Variants in WDR70 observed in about 807,000 individuals in gnomAD.
The protein encoded by WDR70 is WD repeat domain 70.
In WDR70, 53 loss-of-function variants were observed where a neutral mutation model predicts 88.6. The observed-to-expected ratio is 0.60, with a 90% CI of 0.48 to 0.75. The LOEUF (loss-of-function observed/expected upper bound fraction) is 0.75. Ranked by LOEUF, WDR70 falls within the 30% of genes least tolerant of loss-of-function variation. WDR70 has a pLI of 0.00. For missense variants in WDR70, 610 were observed against 823.2 expected (o/e 0.74, Z 3.17); for synonymous variants, 280 against 270.0 (o/e 1.04, Z -0.36).
chr5:37,522,494 A>T (rs903409248), intron 9 of WDR70, among the ~76,000 whole-genome samples: 4 of 150,038 alleles, frequency 2.7e-5, no homozygotes, highest in Non-Finnish European at 3.0e-5. Context: ...AAAAAAAAAA[A>T]GGTGGCAGTT....
intron 9 of WDR70, among the ~76,000 whole-genome samples, chr5:37,523,256 C>T (rs1464068783): frequency 6.6e-6 from 1 of 152,248 alleles, no homozygotes. Flanking sequence ...ACAACCCACA[C>T]AGCTGGGTAC....
intron 9 of WDR70, among the ~76,000 whole-genome samples, chr5:37,529,029 CT>C (rs1250600083): frequency 1.3e-5 from 2 of 149,800 alleles, no homozygotes; most frequent in East Asian, 4.0e-4. Context: ...CAGTTTCATT[CT>C]TCTATATGTG....
intron 9 of WDR70, among the ~76,000 whole-genome samples, chr5:37,579,861 C>G (rs1743169941): frequency 1.3e-5 from 2 of 152,066 alleles, no homozygotes; most frequent in African/African-American, 4.8e-5. Flanking sequence ...ACCTTCTCTT[C>G]AATTTCTTCT....
intron 10 of WDR70, among the ~76,000 whole-genome samples, chr5:37,658,351 T>C (rs1432131301): frequency 2.0e-5 from 3 of 152,182 alleles, no homozygotes; most frequent in African/African-American, 4.8e-5. Flanking sequence ...ATTCCTTTAT[T>C]GACAACCCTC....
chr5:37,461,119 A>T (rs72738725), intron 7 of WDR70, among the ~76,000 whole-genome samples: 33,191 of 146,152 alleles, frequency 0.23, 3,997 homozygotes, highest in South Asian at 0.34. Context: ...AAAAAAAAAA[A>T]AAAAAATAAA....
intron 17 of WDR70, among the ~76,000 whole-genome samples, chr5:37,743,887 C>T (rs1016993322): frequency 2.0e-5 from 3 of 152,268 alleles, no homozygotes; most frequent in Admixed American, 1.3e-4. Flanking sequence ...GGGTTTCCCC[C>T]CAGCAAAACA....
chr5:37,523,645 G>A (rs191546754), intron 9 of WDR70, among the ~76,000 whole-genome samples: 43 of 152,350 alleles, frequency 2.8e-4, no homozygotes, highest in African/African-American at 9.1e-4. Flanking sequence ...ACTTAGACGA[G>A]TTGAGATAAG....
chr5:37,524,296 A>G (rs1029239883), intron 9 of WDR70, among the ~76,000 whole-genome samples: 1 of 152,254 alleles, frequency 6.6e-6, no homozygotes, highest in Non-Finnish European at 1.5e-5. Flanking sequence ...CAGAAGCTCT[A>G]CAAGCCAGAA....
intron 17 of WDR70, among the ~76,000 whole-genome samples, chr5:37,747,956 G>A (rs1486796072): frequency 4.6e-5 from 7 of 152,002 alleles, no homozygotes; most frequent in Admixed American, 4.6e-4. Context: ...TCTTCAAGGA[G>A]AACTACAAAC....
In WDR70 at chr5:37,396,275, G is replaced by T. The variant is rs996969341; in HGVS notation, c.297-100G>T. On this transcript the variant is annotated intron_variant, in intron 4 of 17. Transcript: ENST00000265107. ...TAAAAAAATTAAAAAATACCCAGTT[G>T]TTAATAGGAGAGGAAAAGTATCCTG... is the stretch of plus-strand genomic sequence containing the variant. 2.1e-6 allele frequency: 3 copies of T among 1,399,176 alleles called. No individual in the cohort carries two copies. In the South Asian group the frequency reaches 6.0e-5, roughly 28 times the overall value. The allele number at this position is 1,399,176 out of a possible 1,614,324, so 86.7% of individuals were successfully genotyped here.
chr5:37,466,550 C>T (rs1368446502), intron 7 of WDR70, among the ~76,000 whole-genome samples: 1 of 151,318 alleles, frequency 6.6e-6, no homozygotes, highest in Non-Finnish European at 1.5e-5. Context: ...ATTAAAAATA[C>T]AAAAAATTAG....
chr5:37,489,778 G>T (rs1740008325), intron 8 of WDR70, among the ~76,000 whole-genome samples: 1 of 151,598 alleles, frequency 6.6e-6, no homozygotes, highest in Admixed American at 6.6e-5. Flanking sequence ...CACTCAGGGG[G>T]TGACAGTGTC....
Position 37,396,356 on chromosome 5 carries a change from T to G in WDR70, c.297-19T>G. On this transcript the variant is annotated intron_variant, in intron 4 of 17. Transcript: ENST00000265107. ...TTCATTGCAGCAGAGGCAAAGAGTT[T>G]CTGTTTCTGTATTTTCAGGGATACG... 1.3e-6 allele frequency: 2 copies of G among 1,588,012 alleles called. No homozygotes were observed. Among genetic ancestry groups the G allele is most frequent in the South Asian group, 2.3e-5 (2 of 86,784 alleles).
chr5:37,487,216 C>T (rs62358988), intron 8 of WDR70, among the ~76,000 whole-genome samples: 9 of 150,528 alleles, frequency 6.0e-5, no homozygotes, highest in Admixed American at 4.0e-4. Context: ...GTACTTTCTC[C>T]ATTTCCCAGA....
intron 7 of WDR70, among the ~76,000 whole-genome samples, chr5:37,445,418 T>G (rs968010779): frequency 6.6e-6 from 1 of 152,190 alleles, no homozygotes; most frequent in Non-Finnish European, 1.5e-5. Context: ...ATTTTCCTAT[T>G]CTGTTATTTC....
chr5:37,415,970 G>T (rs1027500257), intron 5 of WDR70, among the ~76,000 whole-genome samples: 25 of 151,106 alleles, frequency 1.7e-4, no homozygotes, highest in African/African-American at 5.6e-4. Context: ...GGGAAGAGGC[G>T]CTTCTCACTT....
chr5:37,568,600 C>T, intron 9 of WDR70, among the ~76,000 whole-genome samples: 1 of 152,126 alleles, frequency 6.6e-6, no homozygotes, highest in East Asian at 1.9e-4. Flanking sequence ...ATATTCTTCT[C>T]TCTTTATAAT....
intron 13 of WDR70, among the ~76,000 whole-genome samples, chr5:37,704,845 T>C (rs1224846944): frequency 6.6e-6 from 1 of 151,750 alleles, no homozygotes; most frequent in Non-Finnish European, 1.5e-5. Context: ...AAGGTAAAAC[T>C]GGTCTTGTAT....
At chr5:37,424,148 C>CAAAAAAAAAAAAAAAAAA (rs11304949) in intron 5 of WDR70, among the ~76,000 whole-genome samples, 2 of 55,490 alleles carry the variant, frequency 3.6e-5, no homozygotes, top group Non-Finnish European at 5.9e-5. Flanking sequence ...GACTCCATCT[C>CAAAAAAAAAAAAAAAAAA]AAAAAAAAAA....
Sources: allele counts gnomAD v4.1 joint callset (sites outside exome capture counted in the v4.1 genomes callset), GRCh38; gene constraint gnomAD v4.1.1; transcripts MANE v1.5; gene names NCBI Gene and HGNC (gene_info 2026-07-23, HGNC 2026-07-21).